Variants in ADGRL2 observed in about 807,000 individuals in gnomAD.
ADGRL2 encodes the protein calcium-independent alpha-latrotoxin receptor 2.
ADGRL2 carries 44 observed loss-of-function variants against 157.4 expected under a neutral mutation model. The ratio of observed to expected loss-of-function variants is 0.28; its 90% CI spans 0.22 to 0.36. The LOEUF (loss-of-function observed/expected upper bound fraction) is 0.36. Ranked by LOEUF, ADGRL2 falls within the 10% of genes least tolerant of loss-of-function variation. The pLI is 1.00. For missense variants in ADGRL2, 1,510 were observed against 1,768.9 expected (o/e 0.85, Z 2.63); for synonymous variants, 585 against 624.7 (o/e 0.94, Z 0.95).
chr1:81,323,492 A>C (rs190587663), intron 1 of ADGRL2, among the ~76,000 whole-genome samples: 2 of 150,240 alleles, frequency 1.3e-5, no homozygotes, highest in Non-Finnish European at 3.0e-5. Flanking sequence ...GACTCAAACA[A>C]TCCTCCTACC....
chr1:81,883,666 C>T (rs989282173), intron 2 of ADGRL2, among the ~76,000 whole-genome samples: 8 of 152,112 alleles, frequency 5.3e-5, no homozygotes, highest in African/African-American at 1.4e-4. Context: ...TTTACATCCT[C>T]GTCTTCCTAT....
chr1:81,931,473 G>A lies in ADGRL2; in HGVS notation c.288-5255G>A, dbSNP rs74098512. On this transcript the variant is annotated intron_variant, in intron 3 of 23. Transcript: ENST00000686636. ...AAATTATATATAGGTGATACTTCGT[G>A]CGTTTTTAACCCAGTGATGTGAAAT... Among the ~76,000 whole-genome samples, 926 of 152,184 alleles carry A rather than the reference G, an allele frequency of 6.1e-3. 10 individuals are homozygous for A. Among genetic ancestry groups the A allele is most frequent in the African/African-American group, 0.022 (894 of 41,536 alleles).
At chr1:81,506,271 C>G (rs1432888028) in intron 2 of ADGRL2, 1 of 152,204 alleles carries the variant, frequency 6.6e-6, no homozygotes, top group Admixed American at 6.5e-5. Context: ...ATTTAAAATT[C>G]CATGAGGTCA....
intron 2 of ADGRL2, among the ~76,000 whole-genome samples, chr1:81,458,354 A>T (rs545109683): frequency 4.9e-4 from 74 of 152,324 alleles, no homozygotes; most frequent in African/African-American, 1.7e-3. Flanking sequence ...TGCATCACTG[A>T]AACTCTATAT....
chr1:81,464,252 G>A (rs1339867976), intron 2 of ADGRL2, among the ~76,000 whole-genome samples: 3 of 151,764 alleles, frequency 2.0e-5, no homozygotes, highest in African/African-American at 4.8e-5. Flanking sequence ...TCTATTTAGT[G>A]CCTTCCTTTT....
At chr1:81,553,066 G>C (rs1461913605) in intron 2 of ADGRL2, among the ~76,000 whole-genome samples, 1 of 152,122 alleles carries the variant, frequency 6.6e-6, no homozygotes, top group African/African-American at 2.4e-5. Flanking sequence ...TGTTAGTGTA[G>C]AGATGACTTC....
intron 2 of ADGRL2, among the ~76,000 whole-genome samples, chr1:81,879,758 T>TC (rs1371336367): frequency 6.6e-6 from 1 of 152,124 alleles, no homozygotes; most frequent in African/African-American, 2.4e-5. Flanking sequence ...ACACCTGTAA[T>TC]CCTAGCACTT....
chr1:81,933,999 AT>A (rs1409456648), intron 3 of ADGRL2, among the ~76,000 whole-genome samples: 2 of 152,096 alleles, frequency 1.3e-5, no homozygotes, highest in Non-Finnish European at 2.9e-5. Context: ...AAATTTTCAA[AT>A]TTAAAATGAA....
At chr1:81,838,803 C>T (rs1292177814) in intron 2 of ADGRL2, among the ~76,000 whole-genome samples, 1 of 151,980 alleles carries the variant, frequency 6.6e-6, no homozygotes, top group Non-Finnish European at 1.5e-5. Context: ...TTTTCAGTGT[C>T]ATCTATCAGG....
At chr1:81,978,248 G>A (rs1257982668) in intron 17 of ADGRL2, among the ~76,000 whole-genome samples, 1 of 151,522 alleles carries the variant, frequency 6.6e-6, no homozygotes, top group Non-Finnish European at 1.5e-5. Flanking sequence ...GCACATCCTT[G>A]TACGGAACAA....
intron 2 of ADGRL2, among the ~76,000 whole-genome samples, chr1:81,571,362 A>T (rs1044457230): frequency 3.4e-5 from 5 of 147,008 alleles, no homozygotes; most frequent in East Asian, 2.0e-4. Flanking sequence ...ATATATATAT[A>T]ATATATATTT....
intron 2 of ADGRL2, among the ~76,000 whole-genome samples, chr1:81,448,137 C>CTTTTTTTTTTTTTTTTTTT (rs1168945231): frequency 1.8e-4 from 15 of 83,500 alleles, no homozygotes; most frequent in African/African-American, 2.0e-4. Flanking sequence ...TTCTTTCTTT[C>CTTTTTTTTTTTTTTTTTTT]TTTTTTTTTT....
chr1:81,879,693 C>G (rs1375890780), intron 2 of ADGRL2, among the ~76,000 whole-genome samples: 2 of 152,084 alleles, frequency 1.3e-5, no homozygotes, highest in South Asian at 2.1e-4. Context: ...ATTACTAGCA[C>G]TGTGAACAAA....
At chr1:81,941,542 G>T (rs1648008602) in intron 4 of ADGRL2, among the ~76,000 whole-genome samples, 1 of 151,696 alleles carries the variant, frequency 6.6e-6, no homozygotes, top group African/African-American at 2.4e-5. Flanking sequence ...AAATTAAGTT[G>T]TGATTTTTAT....
chr1:81,799,816 A>C (rs1426733207), upstream of ADGRL2, among the ~76,000 whole-genome samples: 1 of 152,202 alleles, frequency 6.6e-6, no homozygotes, highest in African/African-American at 2.4e-5. Flanking sequence ...TGATGGCTGC[A>C]TTCATTAGTA....
chr1:81,878,914 CA>C (rs2093912724), intron 2 of ADGRL2, among the ~76,000 whole-genome samples: 1 of 152,114 alleles, frequency 6.6e-6, no homozygotes, highest in Non-Finnish European at 1.5e-5. Context: ...TAGTTCATAT[CA>C]AAAGTTAGCA....
intron 1 of ADGRL2, among the ~76,000 whole-genome samples, chr1:81,748,882 GAT>G (rs1007738409): frequency 3.9e-5 from 6 of 152,102 alleles, no homozygotes; most frequent in Non-Finnish European, 8.8e-5. Flanking sequence ...TGGCCAGGCT[GAT>G]CTTGAACTCC....
At chr1:81,359,445 C>A (rs559771804) in intron 1 of ADGRL2, among the ~76,000 whole-genome samples, 2 of 151,928 alleles carry the variant, frequency 1.3e-5, no homozygotes, top group East Asian at 3.9e-4. Flanking sequence ...GAACAGGAGG[C>A]AAAACTACCT....
chr1:81,909,806 A>G (rs1381894078), intron 3 of ADGRL2, among the ~76,000 whole-genome samples: 1 of 152,112 alleles, frequency 6.6e-6, no homozygotes, highest in African/African-American at 2.4e-5. Context: ...GATGTAAGGA[A>G]AATTTTGCCC....
Sources: allele counts gnomAD v4.1 joint callset (sites outside exome capture counted in the v4.1 genomes callset), GRCh38; gene constraint gnomAD v4.1.1; transcripts MANE v1.5; gene names NCBI Gene and HGNC (gene_info 2026-07-23, HGNC 2026-07-21).